WDFY1: variants seen among roughly 807,000 people sequenced by gnomAD.
WDFY1 encodes the protein WD repeat and FYVE domain-containing protein 1.
In WDFY1, 32 loss-of-function variants were observed where a neutral mutation model predicts 56.4. The ratio of observed to expected loss-of-function variants is 0.57; its 90% CI spans 0.43 to 0.76. The LOEUF (loss-of-function observed/expected upper bound fraction) is 0.76. Ranked by LOEUF, WDFY1 falls within the 30% of genes least tolerant of loss-of-function variation. The pLI is 0.00. For missense variants in WDFY1, 480 were observed against 545.7 expected, an observed-to-expected ratio of 0.88 and a Z score of 1.20; for synonymous variants, 192 against 197.3, an observed-to-expected ratio of 0.97 and a Z score of 0.23.
chr2:223,924,972 G>C (rs1236637784), intron 1 of WDFY1, among the ~76,000 whole-genome samples: 1 of 152,052 alleles, frequency 6.6e-6, no homozygotes, highest in Non-Finnish European at 1.5e-5. Context: ...GATAAACTTT[G>C]ATTAAGGAAT....
rs148387712 is a variant in WDFY1 at position 223,927,997 on chromosome 2, C to T, written c.138-9987G>A. On this transcript the variant is annotated intron_variant, in intron 1 of 11. Coordinates refer to ENST00000233055, the MANE Select transcript of WDFY1 (RefSeq NM_020830.5). ...GACAGACAGACATAGGGTAACAGCC[C>T]GTTGATGGAGTATTCAGATCACACA... Among the ~76,000 whole-genome samples, 607 of 152,028 alleles carry T rather than the reference C, an allele frequency of 4.0e-3. 5 individuals carry two copies. Among genetic ancestry groups the T allele is most frequent in the African/African-American group, 0.014 (575 of 41,446 alleles).
intron 1 of WDFY1, among the ~76,000 whole-genome samples, chr2:223,934,043 GCA>G (rs1491462095): frequency 6.9e-6 from 1 of 144,888 alleles, no homozygotes; most frequent in African/African-American, 2.6e-5. Flanking sequence ...TCACAAAGAA[GCA>G]CAGTTTCTAA....
intron 1 of WDFY1, among the ~76,000 whole-genome samples, chr2:223,942,526 A>ATTTTTTTTTTTTT (rs1559178420): frequency 1.3e-5 from 1 of 78,770 alleles, no homozygotes; most frequent in Non-Finnish European, 2.4e-5. Flanking sequence ...CCAAAGGCTA[A>ATTTTTTTTTTTTT]CTTTTTTTTT....
chr2:223,913,402 T>C (rs1693737163), intron 2 of WDFY1, among the ~76,000 whole-genome samples: 2 of 152,272 alleles, frequency 1.3e-5, no homozygotes, highest in Middle Eastern at 3.4e-3. Flanking sequence ...CTGTTTCAGT[T>C]GCATCCAAGA....
At chr2:223,937,051 G>A (rs1694177833) in intron 1 of WDFY1, among the ~76,000 whole-genome samples, 1 of 152,194 alleles carries the variant, frequency 6.6e-6, no homozygotes, top group African/African-American at 2.4e-5. Context: ...AATCTTTCTA[G>A]TGAATCAATG....
intron 8 of WDFY1, among the ~76,000 whole-genome samples, chr2:223,889,044 C>A (rs1448021987): frequency 6.6e-6 from 1 of 151,508 alleles, no homozygotes; most frequent in Non-Finnish European, 1.5e-5. Flanking sequence ...GCTGAGATTA[C>A]AGGTGTCTGC....
chr2:223,895,042 T>C (rs1236370574), intron 7 of WDFY1, among the ~76,000 whole-genome samples: 1 of 152,228 alleles, frequency 6.6e-6, no homozygotes, highest in Non-Finnish European at 1.5e-5. Flanking sequence ...AATTCCACTG[T>C]CAAACTAGAC....
At position 223,877,350 on chromosome 2, in the gene WDFY1, A is replaced by G. The variant is rs867490598; in HGVS notation, c.*1321T>C. Reference sequence around the variant, plus strand: ...ATCTATTAGTAAGATTAGCAAAGATACTGTTGCTATTTTTATATTTGTCCT... The same window carrying G: ...ATCTATTAGTAAGATTAGCAAAGATGCTGTTGCTATTTTTATATTTGTCCT... On this transcript the variant is annotated 3_prime_UTR_variant, in exon 12 of 12. Transcript: ENST00000233055. The G allele has an allele frequency of 3.4e-4, 52 of 152,022 alleles. No individual in the cohort carries two copies. Among genetic ancestry groups the G allele is most frequent in the African/African-American group, 1.2e-3 (50 of 41,360 alleles). The allele number at this position is 152,022 out of a possible 1,614,324, so 9.4% of individuals were successfully genotyped here.
chr2:223,935,547 T>A (rs1694154906), intron 1 of WDFY1, among the ~76,000 whole-genome samples: 1 of 152,218 alleles, frequency 6.6e-6, no homozygotes, highest in South Asian at 2.1e-4. Context: ...TATATTACCA[T>A]CTGCTTCTTA....
In WDFY1 at chr2:223,912,389, T is replaced by A. The variant is rs1162293603; in HGVS notation, c.206-63A>T. 2.4e-6 allele frequency: 3 copies of A among 1,259,432 alleles called. No individual in the cohort carries two copies. The African/African-American group carries it at 1.0e-4, about 44-fold the overall frequency. The allele number at this position is 1,259,432 out of a possible 1,614,324, so 78.0% of individuals were successfully genotyped here. On this transcript the variant is annotated intron_variant, in intron 2 of 11. Transcript: ENST00000233055. ...AAGCACTTTAAGTTGTTCTTCAAAGTGATTAAGAACTATATGATAAGAACT... is the reference window on the plus strand; with the variant it reads ...AAGCACTTTAAGTTGTTCTTCAAAGAGATTAAGAACTATATGATAAGAACT...
In WDFY1 at chr2:223,877,229, T is replaced by C. The variant is rs79738157; in HGVS notation, c.*1442A>G. 871 of 152,248 alleles carry C rather than the reference T, an allele frequency of 5.7e-3. 8 individuals are homozygous for C. Among genetic ancestry groups the C allele is most frequent in the African/African-American group, 0.02 (814 of 41,538 alleles). 9.4% of individuals were successfully genotyped at this position (152,248 alleles called of 1,614,324 possible). ...CTCTAAGACATCATTATAAAACAAA[T>C]TTAGTCCTTTAGTTTTATCATATGG... On this transcript the variant is annotated 3_prime_UTR_variant, in exon 12 of 12. Transcript: ENST00000233055.
At position 223,901,349 on chromosome 2, in the gene WDFY1, G is replaced by C. The variant is rs745620419; in HGVS notation, c.335-16C>G. On this transcript the variant is annotated splice_polypyrimidine_tract_variant and intron_variant, in intron 4 of 11. Coordinates refer to ENST00000233055, the MANE Select transcript of WDFY1 (RefSeq NM_020830.5). ...TTCTGATGAGCTGCAGGAACAGAAA[G>C]GTGAACAGATGTCATCTCCAGAAAC... The C allele has an allele frequency of 1.9e-6, 3 of 1,613,682 alleles. No individual in the cohort carries two copies. Among genetic ancestry groups the C allele is most frequent in the South Asian group, 2.2e-5 (2 of 91,018 alleles).
intron 6 of WDFY1, among the ~76,000 whole-genome samples, chr2:223,897,019 C>T (rs985940027): frequency 2.6e-5 from 4 of 152,160 alleles, no homozygotes; most frequent in Admixed American, 2.0e-4. Flanking sequence ...CTCTGCTTTC[C>T]TGCCCAAAGC....
chr2:223,897,440 A>G (rs1476711309), intron 6 of WDFY1, among the ~76,000 whole-genome samples: 3 of 143,228 alleles, frequency 2.1e-5, no homozygotes, highest in African/African-American at 7.8e-5. Context: ...GTGCAATGGC[A>G]TGATCTTGGC....
intron 1 of WDFY1, among the ~76,000 whole-genome samples, chr2:223,933,983 T>C (rs1574781960): frequency 1.9e-5 from 1 of 53,954 alleles, no homozygotes; most frequent in African/African-American, 6.1e-5. Context: ...AAAAAAAAAG[T>C]CTCGAACCCT....
At chr2:223,943,861 G>A (rs1258724113) in intron 1 of WDFY1, among the ~76,000 whole-genome samples, 1 of 152,128 alleles carries the variant, frequency 6.6e-6, no homozygotes, top group Non-Finnish European at 1.5e-5. Flanking sequence ...CACCAGCCTC[G>A]GCTTCCTCTT....
intron 4 of WDFY1, among the ~76,000 whole-genome samples, chr2:223,905,550 GT>G (rs369604283): frequency 4.3e-4 from 65 of 152,192 alleles, no homozygotes; most frequent in African/African-American, 1.5e-3. Flanking sequence ...CAGAATAACA[GT>G]GGAGAATACC....
chr2:223,906,710 G>A (rs890752354), intron 3 of WDFY1, among the ~76,000 whole-genome samples: 1 of 151,818 alleles, frequency 6.6e-6, no homozygotes, highest in African/African-American at 2.4e-5. Context: ...AATAGAGATG[G>A]GGTTTCACCA....
rs144679759 is a variant in WDFY1 at position 223,881,084 on chromosome 2, G to C, written c.1065-852C>G. Among the ~76,000 whole-genome samples, 5 of 152,352 alleles carry C rather than the reference G, an allele frequency of 3.3e-5. No homozygotes were observed. In the East Asian group the frequency reaches 9.6e-4, roughly 29 times the overall value. ...TCAAAGGGAAGGAAAGAAAATAGTG[G>C]TTCTGTCCTAACGGATTTGCCTAAA... On this transcript the variant is annotated intron_variant, in intron 10 of 11. Coordinates refer to ENST00000233055, the MANE Select transcript of WDFY1 (RefSeq NM_020830.5).
Sources: allele counts gnomAD v4.1 joint callset (sites outside exome capture counted in the v4.1 genomes callset), GRCh38; gene constraint gnomAD v4.1.1; transcripts MANE v1.5; gene names NCBI Gene and HGNC (gene_info 2026-07-23, HGNC 2026-07-21).